Variants in IFI16 observed in about 807,000 individuals in gnomAD.
IFI16 encodes interferon gamma inducible protein 16, also known as gamma-interferon-inducible protein 16.
A neutral mutation model predicts 68.4 loss-of-function variants in IFI16; 49 were observed. The ratio of observed to expected loss-of-function variants is 0.72; its 90% CI spans 0.57 to 0.91. The LOEUF is 0.91. IFI16 is among the 40% of genes least tolerant of loss of function. IFI16 has a pLI of 0.00. For missense variants in IFI16, 878 were observed against 942.9 expected (o/e 0.93, Z 0.90); for synonymous variants, 307 against 315.0 (o/e 0.97, Z 0.27).
At chr1:159,043,988 AG>A (rs1654824012) in intron 7 of IFI16, among the ~76,000 whole-genome samples, 1 of 152,170 alleles carries the variant, frequency 6.6e-6, no homozygotes. Flanking sequence ...TCCATCAACA[AG>A]GGCATCATAA....
intron 7 of IFI16, among the ~76,000 whole-genome samples, chr1:159,042,573 C>G (rs1483961508): frequency 6.6e-6 from 1 of 152,156 alleles, no homozygotes; most frequent in Non-Finnish European, 1.5e-5. Context: ...TCTTCAACCA[C>G]AAGGTACCAG....
intron 1 of IFI16, among the ~76,000 whole-genome samples, chr1:159,011,344 C>A (rs540036904): frequency 6.6e-6 from 1 of 150,758 alleles, no homozygotes; most frequent in African/African-American, 2.4e-5. Context: ...GACTGTGCCA[C>A]TACACTCCAG....
At chr1:159,017,695 C>A (rs2101820466) in intron 4 of IFI16, among the ~76,000 whole-genome samples, 1 of 152,210 alleles carries the variant, frequency 6.6e-6, no homozygotes, top group Middle Eastern at 3.4e-3. Context: ...GCAGCCTCCA[C>A]CTCCCGGGTT....
In IFI16 at chr1:159,054,925, T is replaced by C; in HGVS notation, c.*24T>C. On this transcript the variant is annotated 3_prime_UTR_variant, in exon 12 of 12. Coordinates refer to ENST00000295809, the MANE Select transcript of IFI16 (RefSeq NM_001376587.1). ...AAAATCTGGATGTCATTGACGATAA[T>C]GTTTATGGAGATAAGGTCTAAGTGC... 7.2e-7 allele frequency: 1 copy of C among 1,396,652 alleles called. No homozygotes were observed. Among genetic ancestry groups the C allele is most frequent in the Non-Finnish European group, 1.0e-6 (1 of 988,086 alleles). The allele number at this position is 1,396,652 out of a possible 1,614,324, so 86.5% of individuals were successfully genotyped here.
At chr1:159,050,455 T>G (rs1655277874) in intron 9 of IFI16, among the ~76,000 whole-genome samples, 1 of 152,208 alleles carries the variant, frequency 6.6e-6, no homozygotes, top group South Asian at 2.1e-4. Flanking sequence ...CTGATTAACT[T>G]CATTGGGAAT....
At chr1:159,050,288 T>C (rs1655266619) in intron 9 of IFI16, among the ~76,000 whole-genome samples, 1 of 152,228 alleles carries the variant, frequency 6.6e-6, no homozygotes, top group Non-Finnish European at 1.5e-5. Flanking sequence ...TTTATGTTGT[T>C]TCCAGTATTC....
chr1:159,032,787 TGGATTG>T (rs58508050), intron 7 of IFI16, 96 bp downstream of exon 7: 716,317 of 925,908 alleles, frequency 0.77, 284,385 homozygotes, highest in Admixed American at 0.85. Flanking sequence ...TCTCTGTGAA[TGGATTG>T]GTACAATCTT....
In IFI16 at chr1:159,054,848, GAC is replaced by G; in HGVS notation, c.2307_2308del (p.Ile770ThrfsTer4). ...CATCAAGACCAGGAAAAACAAGAAAGACATACTCAATCCTGATTCAAGTATGG... is the reference window on the plus strand; with the variant it reads ...CATCAAGACCAGGAAAAACAAGAAAGATACTCAATCCTGATTCAAGTATGG... The part of the protein sequence containing the change: ...KVIKTRKNKK[D>X]ILNPDSSMET... On this transcript the variant is annotated frameshift_variant, in exon 12 of 12. Transcript: ENST00000295809. LOFTEE classifies it low-confidence loss of function (END_TRUNC). 6.2e-7 allele frequency: 1 copy of G among 1,604,130 alleles called. No homozygotes were observed. The highest frequency in any genetic ancestry group is 8.5e-7 in the Non-Finnish European group (1 of 1,172,720).
chr1:159,048,356 CTG>C (rs1285208118), intron 8 of IFI16, among the ~76,000 whole-genome samples: 1 of 151,416 alleles, frequency 6.6e-6, no homozygotes, highest in African/African-American at 2.4e-5. Flanking sequence ...TGTGAGAAAA[CTG>C]AGATGCAAAG....
At chr1:159,046,979 C>T (rs1655027528) in intron 8 of IFI16, among the ~76,000 whole-genome samples, 1 of 145,948 alleles carries the variant, frequency 6.9e-6, no homozygotes, top group Non-Finnish European at 1.5e-5. Context: ...GTTATCAACC[C>T]TTATCCCAGC....
intron 5 of IFI16, among the ~76,000 whole-genome samples, 187 bp from the exon 6 acceptor site, chr1:159,020,154 T>C (rs1179638498): frequency 6.6e-6 from 1 of 152,150 alleles, no homozygotes; most frequent in Non-Finnish European, 1.5e-5. Context: ...ATCTCAGATA[T>C]GAAAGACTTA....
chr1:159,020,236 G>A (rs971195779), intron 5 of IFI16, 105 bp from the exon 6 acceptor site: 6 of 750,658 alleles, frequency 8.0e-6, no homozygotes, highest in South Asian at 6.7e-5. Flanking sequence ...TGTACTAGGA[G>A]TTGCTGTTGT....
In IFI16 at chr1:159,020,458, C is replaced by A. The variant is rs753994441; in HGVS notation, c.1090C>A (p.Leu364Ile). 94 of 1,613,322 alleles carry A rather than the reference C, an allele frequency of 5.8e-5. No homozygotes were observed. Among genetic ancestry groups the A allele is most frequent in the Non-Finnish European group, 7.8e-5 (92 of 1,179,508 alleles). The stretch of plus-strand genomic sequence containing the variant: ...CTGTGAAGAAGGAGATAAGCTCCAA[C>A]TTTTCTGCTTTCGACTTAGAAAAAA... The part of the protein sequence containing the change: ...IPCEEGDKLQ[L>I]FCFRLRKKNQ... The change falls in exon 6 of 12, where the codon CTT (leucine) becomes ATT (isoleucine). Residue 364 changes from leucine to isoleucine, a missense_variant. Leu to Ile is a conservative substitution (Grantham distance 5). Transcript: ENST00000295809.
chr1:159,041,595 AAG>A (rs750848412), intron 7 of IFI16, among the ~76,000 whole-genome samples: 5 of 152,170 alleles, frequency 3.3e-5, no homozygotes, highest in Non-Finnish European at 7.4e-5. Context: ...CATCACCAGG[AAG>A]AGTTATCTAC....
At chr1:159,015,821 A>G (rs1652882423) in intron 2 of IFI16, 51 bp from the exon 3 acceptor site, 14 of 1,339,234 alleles carry the variant, frequency 1.0e-5, no homozygotes, top group Non-Finnish European at 1.5e-5. Context: ...GATCGTTTAT[A>G]TGTCTTCCTT....
intron 6 of IFI16, among the ~76,000 whole-genome samples, chr1:159,024,420 G>A (rs1019169786): frequency 2.0e-5 from 3 of 152,196 alleles, no homozygotes; most frequent in African/African-American, 7.2e-5. Flanking sequence ...GAAGGACAGA[G>A]TTACATTGAT....
chr1:159,042,503 C>T (rs1238078397), intron 7 of IFI16, among the ~76,000 whole-genome samples: 1 of 152,146 alleles, frequency 6.6e-6, no homozygotes, highest in African/African-American at 2.4e-5. Flanking sequence ...TTAACCACAT[C>T]GGGGGTTTGG....
chr1:159,053,695 T>G lies in IFI16; in HGVS notation c.2248T>G (p.Leu750Val). 1 of 1,613,516 alleles carries G rather than the reference T, an allele frequency of 6.2e-7. No homozygotes were observed. The highest frequency in any genetic ancestry group is 8.5e-7 in the Non-Finnish European group (1 of 1,179,758). The stretch of plus-strand genomic sequence containing the variant: ...ACCGAAAAGTGGGAATACCGGGGAG[T>G]TGAGATCTGTAATTCATAGTCACAT... ...LAPKSGNTGE[L>V]RSVIHSHIKV... The change falls in exon 11 of 12, where the codon TTG (leucine) becomes GTG (valine). Residue 750 changes from leucine to valine, a missense_variant. Around this residue, in one of 4 missense-constraint regions of IFI16, gnomAD observed 311 missense variants for 305.1 expected, o/e 1.02. Transcript: ENST00000295809.
chr1:159,040,257 TATA>T (rs1450921629), intron 7 of IFI16, among the ~76,000 whole-genome samples: 1 of 152,210 alleles, frequency 6.6e-6, no homozygotes. Context: ...TTTTAAATAG[TATA>T]ATAACATTTT....
Sources: gnomAD v4.1 joint callset for allele counts (sites outside exome capture counted in the v4.1 genomes callset) on GRCh38, gnomAD v4.1.1 for gene constraint, gnomAD v4.1.1 regional missense constraint, MANE v1.5 for transcripts, NCBI Gene and HGNC (gene_info 2026-07-23, HGNC 2026-07-21) for gene names.